Variants in CIDEB observed in about 807,000 individuals in gnomAD.
CIDEB encodes lipid transferase CIDEB.
Under a neutral mutation model 22.4 loss-of-function variants are expected in CIDEB, and 27 were observed. The ratio of observed to expected loss-of-function variants is 1.21; its 90% CI spans 0.89 to 1.66. CIDEB has a LOEUF of 1.66. Among genes scored for constraint, CIDEB ranks in the 40% most tolerant of loss-of-function variants. CIDEB has a pLI of 0.00. For missense variants in CIDEB, 289 were observed against 268.7 expected, an observed-to-expected ratio of 1.08 and a Z score of -0.53; for synonymous variants, 103 against 109.5, an observed-to-expected ratio of 0.94 and a Z score of 0.37.
At chr14:24,310,274 G>A (rs374472338), upstream of CIDEB, 6 of 561,566 alleles carry the variant, frequency 1.1e-5, no homozygotes, top group Middle Eastern at 4.7e-4. Flanking sequence ...ATCTGTGCAC[G>A]TCCCTTTACA....
chr14:24,306,175 C>A, intron 3 of CIDEB, 38 bp from the exon 4 acceptor site: 2 of 1,592,628 alleles, frequency 1.3e-6, no homozygotes, highest in Non-Finnish European at 1.7e-6. Flanking sequence ...GATCCTCATA[C>A]CAGACACCCA....
Position 24,305,336 on chromosome 14 carries a change from T to G in CIDEB, c.*297A>C, listed in dbSNP as rs984270295. On this transcript the variant is annotated 3_prime_UTR_variant, in exon 5 of 5. Coordinates refer to ENST00000554411, the MANE Select transcript of CIDEB (RefSeq NM_001393339.1). ...CAGGAGGCATTGGTAGGGGATTAGA[T>G]GTAGCAGCAGTCAGGCTGGGATCAA... 11 of 560,198 alleles carry G rather than the reference T, an allele frequency of 2.0e-5. No homozygotes were observed. Among genetic ancestry groups the G allele is most frequent in the Non-Finnish European group, 3.3e-5 (11 of 332,846 alleles). The allele number at this position is 560,198 out of a possible 1,614,324, so 34.7% of individuals were successfully genotyped here.
chr14:24,311,306 C>A (rs1368937720), upstream of CIDEB: 3 of 1,593,332 alleles, frequency 1.9e-6, no homozygotes, highest in Admixed American at 1.7e-5. Flanking sequence ...CCCGCTGGGG[C>A]TCCGGGCGGC....
At position 24,307,490 on chromosome 14, in the gene CIDEB, A is replaced by G. The variant is rs1177186114; in HGVS notation, c.67T>C (p.Phe23Leu). Residue 23 changes from phenylalanine (F) to leucine (L), a missense_variant, in exon 2 of 5, where the codon TTT (phenylalanine) becomes CTT (leucine). Physicochemically the swap from Phe to Leu is conservative, Grantham distance 22 (BLOSUM62 0). Coordinates refer to ENST00000554411, the MANE Select transcript of CIDEB (RefSeq NM_001393339.1). ...LRSVSNISSE[F>L]GRRVWTSAPP... ...GCTGAGGTCCAGACCCTCCGTCCAA[A>G]CTCCGAGCTTATATTAGATACTGAC... The G allele has an allele frequency of 3.1e-6, 5 of 1,613,720 alleles. No individual in the cohort carries two copies. In the African/African-American group the frequency reaches 6.7e-5, roughly 22 times the overall value.
chr14:24,307,462 G>A lies in CIDEB; in HGVS notation c.95C>T (p.Pro32Leu), dbSNP rs1566418144. 6.2e-7 allele frequency: 1 copy of A among 1,614,118 alleles called. No homozygotes were observed. Among genetic ancestry groups the A allele is most frequent in the South Asian group, 1.1e-5 (1 of 91,084 alleles). ...GACACGGAAAGGTCGCTGGGGTGGT[G>A]GAGCTGAGGTCCAGACCCTCCGTCC... ...EFGRRVWTSA[P>L]PPQRPFRVCD... The change falls in exon 2 of 5, where the codon CCA becomes CTA. Residue 32 changes from proline (P) to leucine (L), a missense_variant. By Grantham distance (98) the Pro-to-Leu change is moderately conservative. Coordinates refer to ENST00000554411, the MANE Select transcript of CIDEB (RefSeq NM_001393339.1).
At chr14:24,308,228 C>T (rs2041582132), upstream of CIDEB, 1 of 297,520 alleles carries the variant, frequency 3.4e-6, no homozygotes, top group East Asian at 8.3e-5. Flanking sequence ...GTTTCTGGCT[C>T]TCAGGCTCTG....
chr14:24,310,760 G>C, upstream of CIDEB: 1 of 1,609,660 alleles, frequency 6.2e-7, no homozygotes, highest in Non-Finnish European at 8.5e-7. Flanking sequence ...TGGCGGCGCT[G>C]CTGGGGCTGC....
At position 24,306,080 on chromosome 14, in the gene CIDEB, C is replaced by T. The variant is rs147369401; in HGVS notation, c.394G>A (p.Ala132Thr). 7.7e-5 allele frequency: 124 copies of T among 1,614,096 alleles called. No homozygotes were observed. The East Asian group carries it at 1.8e-3, about 23-fold the overall frequency. The stretch of plus-strand genomic sequence containing the variant: ...TTGTACACGTCAAAGGTGAATCGGG[C>T]GATGTCCTTGCTGTGCTTGGGCCTC... Reference protein sequence around the residue: ...RERPKHSKDIARFTFDVYKQN... With the variant: ...RERPKHSKDITRFTFDVYKQN... Residue 132 changes from alanine to threonine, a missense_variant, in exon 4 of 5, where the codon GCC (alanine) becomes ACC (threonine). Coordinates refer to ENST00000554411, the MANE Select transcript of CIDEB (RefSeq NM_001393339.1).
At chr14:24,311,314 G>A (rs915617976), upstream of CIDEB, 2 of 1,596,056 alleles carry the variant, frequency 1.3e-6, no homozygotes, top group East Asian at 2.3e-5. Flanking sequence ...GGCTCCGGGC[G>A]GCACGGGGCG....
chr14:24,311,068 C>G (rs759604164), upstream of CIDEB: 11 of 1,559,242 alleles, frequency 7.1e-6, no homozygotes, highest in Admixed American at 5.7e-5. Flanking sequence ...CTGCGCAGCC[C>G]GGCCCTGGCC....
Position 24,307,452 on chromosome 14 carries a change from C to T in CIDEB, c.105G>A (p.Gln35=). 2 of 1,614,118 alleles carry T rather than the reference C, an allele frequency of 1.2e-6. No homozygotes were observed. Among genetic ancestry groups the T allele is most frequent in the Non-Finnish European group, 1.7e-6 (2 of 1,180,006 alleles). ...RRVWTSAPPP[Q]RPFRVCDHKR... ...TGTGATCACAGACACGGAAAGGTCG[C>T]TGGGGTGGTGGAGCTGAGGTCCAGA... Residue 35 remains glutamine, a synonymous_variant, in exon 2 of 5, where the codon CAG becomes CAA. Coordinates refer to ENST00000554411, the MANE Select transcript of CIDEB (RefSeq NM_001393339.1).
chr14:24,308,129 G>A (rs2041577561), upstream of CIDEB: 1 of 529,786 alleles, frequency 1.9e-6, no homozygotes. Flanking sequence ...GTGATGACAT[G>A]TGTTGTGAGG....
rs146748676 is a variant in CIDEB, at chr14:24,307,800, C to G, written c.41+18G>C. The G allele has an allele frequency of 1.3e-6, 2 of 1,588,166 alleles. No individual in the cohort carries two copies. Among genetic ancestry groups the G allele is most frequent in the East Asian group, 2.3e-5 (1 of 44,024 alleles). Reference sequence around the variant, plus strand: ...TATCCCCTAAAGGTGGAGGGTAGAGCGGAGGGTTAGCAGTCACCTGAGTAA... The same window carrying G: ...TATCCCCTAAAGGTGGAGGGTAGAGGGGAGGGTTAGCAGTCACCTGAGTAA... On this transcript the variant is annotated intron_variant, in intron 1 of 4. Coordinates refer to ENST00000554411, the MANE Select transcript of CIDEB (RefSeq NM_001393339.1).
At chr14:24,308,024 C>G (rs1047694796), upstream of CIDEB, 1 of 666,916 alleles carries the variant, frequency 1.5e-6, no homozygotes, top group African/African-American at 1.8e-5. Context: ...GTAAGAAGGG[C>G]AAAGTCCAAG....
chr14:24,305,452 G>A lies in CIDEB; in HGVS notation c.*181C>T. The A allele has an allele frequency of 1.4e-6, 1 of 730,142 alleles. No homozygotes were observed. The highest frequency in any genetic ancestry group is 2.0e-5 in the South Asian group (1 of 50,742). 45.2% of individuals were successfully genotyped at this position (730,142 alleles called of 1,614,324 possible). On this transcript the variant is annotated 3_prime_UTR_variant, in exon 5 of 5. Transcript: ENST00000554411. ...AAAGAACAGCATTCTTCAGGTAAGGGTATAGACTTGGGATGTGAGGCGTTA... is the reference window on the plus strand; with the variant it reads ...AAAGAACAGCATTCTTCAGGTAAGGATATAGACTTGGGATGTGAGGCGTTA...
rs1566418303 is a variant in CIDEB, at chr14:24,307,501, A to G, written c.56T>C (p.Ile19Thr). Residue 19 changes from isoleucine to threonine, a missense_variant, in exon 2 of 5, where the codon ATA (isoleucine) becomes ACA (threonine). Coordinates refer to ENST00000554411, the MANE Select transcript of CIDEB (RefSeq NM_001393339.1). The part of the protein sequence containing the change: ...PSDLLRSVSN[I>T]SSEFGRRVWT... ...GACCCTCCGTCCAAACTCCGAGCTT[A>G]TATTAGATACTGACCTGGTAGTTGA... The G allele has an allele frequency of 1.2e-6, 2 of 1,613,916 alleles. No homozygotes were observed. Among genetic ancestry groups the G allele is most frequent in the Non-Finnish European group, 1.7e-6 (2 of 1,179,906 alleles).
In CIDEB at chr14:24,305,939, T is replaced by C; in HGVS notation, c.527+8A>G. 4 of 1,611,924 alleles carry C rather than the reference T, an allele frequency of 2.5e-6. No homozygotes were observed. The highest frequency in any genetic ancestry group is 2.5e-6 in the Non-Finnish European group (3 of 1,178,682). ...GGGATGGGGCAGTATGACATGTTGA[T>C]TTCTGACCTGAGTACTTTCTTTGGG... On this transcript the variant is annotated splice_region_variant and intron_variant, in intron 4 of 4. Coordinates refer to ENST00000554411, the MANE Select transcript of CIDEB (RefSeq NM_001393339.1).
chr14:24,310,504 TG>T, upstream of CIDEB: 1 of 792,828 alleles, frequency 1.3e-6, no homozygotes. Context: ...AGGTGGGGTC[TG>T]GGTCCTCGTG....
intron 1 of CIDEB, 61 bp downstream of exon 1, chr14:24,307,757 G>C: frequency 6.6e-7 from 1 of 1,507,530 alleles, no homozygotes; most frequent in Non-Finnish European, 9.1e-7. Flanking sequence ...GCTGAGTGGA[G>C]TATTGTTGCC....
Sources: gnomAD v4.1 joint callset for allele counts on GRCh38, gnomAD v4.1.1 for gene constraint, MANE v1.5 for transcripts, NCBI Gene and HGNC (gene_info 2026-07-23, HGNC 2026-07-21) for gene names.